Variants in LRP5 observed in about 807,000 individuals in gnomAD.
LRP5 encodes low-density lipoprotein receptor-related protein 5.
A neutral mutation model predicts 154.1 loss-of-function variants in LRP5; 62 were observed. The ratio of observed to expected loss-of-function variants is 0.40; its 90% confidence interval spans 0.33 to 0.50. The LOEUF (loss-of-function observed/expected upper bound fraction) is 0.50. LRP5 is among the 20% of genes least tolerant of loss of function. The pLI is 0.55. For synonymous variants in LRP5, 966 were observed against 1,011.5 expected, an observed-to-expected ratio of 0.96 and a Z score of 0.85; for missense variants, 1,915 against 2,336.7, an observed-to-expected ratio of 0.82 and a Z score of 3.72.
intron 2 of LRP5, among the ~76,000 whole-genome samples, chr11:68,351,187 A>T (rs1266939398): frequency 2.0e-5 from 3 of 152,030 alleles, no homozygotes; most frequent in African/African-American, 7.3e-5. Flanking sequence ...TGCCCCCACT[A>T]CCTGAGAAGT....
At chr11:68,414,324 T>C (rs2098661318) in intron 12 of LRP5, among the ~76,000 whole-genome samples, 1 of 152,168 alleles carries the variant, frequency 6.6e-6, no homozygotes, top group Non-Finnish European at 1.5e-5. Flanking sequence ...TGCTGAGTGC[T>C]TTCCATAGCG....
chr11:68,398,024 A>G (rs888054722), intron 7 of LRP5, among the ~76,000 whole-genome samples: 11 of 97,272 alleles, frequency 1.1e-4, no homozygotes, highest in African/African-American at 3.4e-4. Flanking sequence ...GTGCGCGCAC[A>G]TGTGTATAAG....
In LRP5 at chr11:68,405,148, C is replaced by A. The variant is rs1451486334; in HGVS notation, c.1802-1376C>A. 4.0e-5 allele frequency among the ~76,000 whole-genome samples: 6 copies of A among 151,218 alleles called. No homozygotes were observed. In the South Asian group the frequency reaches 1.0e-3, roughly 26 times the overall value. ...CCTCCACCTGGGCAATAGAGCGAGACTCTGTCTCAAAAAGAAAAAAAAAAA... is the reference window on the plus strand; with the variant it reads ...CCTCCACCTGGGCAATAGAGCGAGAATCTGTCTCAAAAAGAAAAAAAAAAA... On this transcript the variant is annotated intron_variant, in intron 8 of 22. Coordinates refer to ENST00000294304, the MANE Select transcript of LRP5 (RefSeq NM_002335.4).
intron 13 of LRP5, among the ~76,000 whole-genome samples, chr11:68,422,887 T>C (rs2098666622): frequency 9.6e-6 from 1 of 104,620 alleles, no homozygotes; most frequent in Admixed American, 9.5e-5. Context: ...GTCCCCCACC[T>C]TCACCTAACC....
chr11:68,368,092 G>A (rs1473629921), intron 5 of LRP5, among the ~76,000 whole-genome samples: 2 of 149,884 alleles, frequency 1.3e-5, no homozygotes, highest in African/African-American at 2.5e-5. Flanking sequence ...AATGCAGCTC[G>A]TCCTGGCTAG....
intron 7 of LRP5, among the ~76,000 whole-genome samples, chr11:68,401,101 G>A (rs190660054): frequency 6.6e-6 from 1 of 152,308 alleles, no homozygotes; most frequent in Non-Finnish European, 1.5e-5. Context: ...TGTCCTTGGA[G>A]AAGCCTGCAC....
intron 18 of LRP5, among the ~76,000 whole-genome samples, chr11:68,435,136 G>C (rs928113755): frequency 3.9e-5 from 6 of 152,246 alleles, no homozygotes; most frequent in African/African-American, 1.4e-4. Flanking sequence ...TTATGCTGGA[G>C]ACCTACGGCC....
chr11:68,354,148 A>G lies in LRP5; in HGVS notation c.489-3502A>G, dbSNP rs550989716. The stretch of plus-strand genomic sequence containing the variant: ...TGCAAAATGGCCCTTCCCTAAAATA[A>G]CACACAACCACAACCGCAGCTGGCT... On this transcript the variant is annotated intron_variant, in intron 2 of 22. Coordinates refer to ENST00000294304, the MANE Select transcript of LRP5 (RefSeq NM_002335.4). Among the ~76,000 whole-genome samples, 510 of 152,306 alleles carry G rather than the reference A, an allele frequency of 3.3e-3. 7 individuals carry two copies. Among genetic ancestry groups the G allele is most frequent in the African/African-American group, 0.012 (484 of 41,570 alleles).
At chr11:68,443,816 G>A (rs1161660548) in intron 21 of LRP5, among the ~76,000 whole-genome samples, 6 of 150,772 alleles carry the variant, frequency 4.0e-5, no homozygotes, top group African/African-American at 1.5e-4. Context: ...GCACCACCAT[G>A]CCTGGCTAAT....
chr11:68,446,649 G>A (rs2098681586), intron 22 of LRP5, 116 bp downstream of exon 22: 1 of 914,014 alleles, frequency 1.1e-6, no homozygotes, highest in East Asian at 2.6e-5. Context: ...GTGGGCAGGT[G>A]CCGGGCCCAG....
rs373521898 is a variant in LRP5, at chr11:68,348,819, C to G, written c.488+576C>G. Among the ~76,000 whole-genome samples the G allele has an allele frequency of 1.2e-4, 18 of 152,016 alleles. No homozygotes were observed. In the East Asian group the frequency reaches 3.5e-3, roughly 30 times the overall value. On this transcript the variant is annotated intron_variant, in intron 2 of 22. Coordinates refer to ENST00000294304, the MANE Select transcript of LRP5 (RefSeq NM_002335.4). ...ATGAATCGGGTGTGATGGTATGCAC[C>G]TGTAATCCCAGCTTCTTGGGAGGCT...
intron 7 of LRP5, among the ~76,000 whole-genome samples, chr11:68,396,243 G>A (rs892368047): frequency 6.6e-6 from 1 of 152,132 alleles, no homozygotes; most frequent in Non-Finnish European, 1.5e-5. Context: ...TTGGAACAAT[G>A]GGAACATTTT....
Position 68,344,011 on chromosome 11 carries a change from T to TG in LRP5, c.92-3836_92-3835insG, listed in dbSNP as rs1487733372. 1.3e-4 allele frequency among the ~76,000 whole-genome samples: 20 copies of TG among 152,158 alleles called. No individual in the cohort carries two copies. The East Asian group carries it at 3.9e-3, about 29-fold the overall frequency. ...GTGGTGCAGGTGAAATGCAGACCTC[T>TG]CAGCTGGTGTTCCAGAGCAGCTGCC... On this transcript the variant is annotated intron_variant, in intron 1 of 22. Coordinates refer to ENST00000294304, the MANE Select transcript of LRP5 (RefSeq NM_002335.4).
the LRP5 span, among the ~76,000 whole-genome samples, chr11:68,300,936 AT>A: frequency 7.3e-6 from 1 of 137,808 alleles, no homozygotes; most frequent in East Asian, 2.0e-4. Context: ...TTTTTTTTTT[AT>A]TTTTTTGAGA....
chr11:68,432,745 G>C lies in LRP5; in HGVS notation c.3764-857G>C, dbSNP rs955744628. Among the ~76,000 whole-genome samples the C allele has an allele frequency of 3.3e-5, 5 of 152,288 alleles. No homozygotes were observed. In the South Asian group the frequency reaches 1.0e-3, roughly 32 times the overall value. On this transcript the variant is annotated intron_variant, in intron 17 of 22. Coordinates refer to ENST00000294304, the MANE Select transcript of LRP5 (RefSeq NM_002335.4). Reference sequence around the variant, plus strand: ...GGGAGGGAGGAGTCCTAGGAAATGGGGGGCCACCTCGAAGCCTAGGCCTCC... The same window carrying C: ...GGGAGGGAGGAGTCCTAGGAAATGGCGGGCCACCTCGAAGCCTAGGCCTCC...
intron 17 of LRP5, among the ~76,000 whole-genome samples, chr11:68,432,096 C>G (rs2098672258): frequency 6.6e-6 from 1 of 152,240 alleles, no homozygotes; most frequent in East Asian, 1.9e-4. Context: ...AGTGCCATCA[C>G]CACCGCCATT....
chr11:68,346,413 G>A lies in LRP5; in HGVS notation c.92-1434G>A, dbSNP rs190308998. On this transcript the variant is annotated intron_variant, in intron 1 of 22. Coordinates refer to ENST00000294304, the MANE Select transcript of LRP5 (RefSeq NM_002335.4). The stretch of plus-strand genomic sequence containing the variant: ...AGCCAGTGCTTGTCTTGGCAGGGAG[G>A]CCTGTGCTCGGAACCATCTACCCCA... Among the ~76,000 whole-genome samples, 364 of 152,380 alleles carry A rather than the reference G, an allele frequency of 2.4e-3. 1 individual carries two copies. The highest frequency in any genetic ancestry group is 6.8e-3 in the Middle Eastern group (2 of 294).
chr11:68,371,851 A>G (rs1295065081), intron 5 of LRP5, among the ~76,000 whole-genome samples: 1 of 152,250 alleles, frequency 6.6e-6, no homozygotes, highest in Non-Finnish European at 1.5e-5. Context: ...AGCGGTGCCC[A>G]TGGAGGGCTG....
chr11:68,414,483 A>G (rs1174347035), intron 12 of LRP5, among the ~76,000 whole-genome samples: 1 of 152,114 alleles, frequency 6.6e-6, no homozygotes, highest in Non-Finnish European at 1.5e-5. Flanking sequence ...AGGCTGGCTC[A>G]AGAGTCCCTG....
Sources: gnomAD v4.1 joint callset for allele counts (sites outside exome capture counted in the v4.1 genomes callset) on GRCh38, gnomAD v4.1.1 for gene constraint, MANE v1.5 for transcripts, NCBI Gene and HGNC (gene_info 2026-07-23, HGNC 2026-07-21) for gene names.